The following FSTL5 variants were observed in gnomAD, a reference collection of about 807,000 sequenced individuals.
FSTL5 encodes the protein follistatin like 5.
Under a neutral mutation model 89.1 loss-of-function variants are expected in FSTL5, and 62 were observed. That is an observed-to-expected ratio of 0.70 (90% CI 0.57 to 0.86). The LOEUF (loss-of-function observed/expected upper bound fraction) is 0.86, where lower values mean the gene tolerates loss of function less well. Ranked by LOEUF, FSTL5 falls within the 40% of genes least tolerant of loss-of-function variation. The pLI, the probability that FSTL5 is intolerant of heterozygous loss-of-function variation, is 0.00. For synonymous variants in FSTL5, 383 were observed against 346.2 expected, an observed-to-expected ratio of 1.11 and a Z score of -1.18; for missense variants, 1,057 against 1,001.6, an observed-to-expected ratio of 1.06 and a Z score of -0.75.
At chr4:161,738,609 A>T (rs148934166) in intron 6 of FSTL5, among the ~76,000 whole-genome samples, 86 of 152,248 alleles carry the variant, frequency 5.6e-4, no homozygotes, top group African/African-American at 1.9e-3. Context: ...TGTAGCTTGA[A>T]TTATGTCAAA....
chr4:161,457,567 G>C lies in FSTL5; in HGVS notation c.1716+1645C>G, dbSNP rs565240003. ...GGAAAGTTGTTAATCTATCCAAGTAGCATGAATCAAAGGGGAGAGGAAGGG... is the reference window on the plus strand; with the variant it reads ...GGAAAGTTGTTAATCTATCCAAGTACCATGAATCAAAGGGGAGAGGAAGGG... On this transcript the variant is annotated intron_variant, in intron 14 of 15. Transcript: ENST00000306100. Among the ~76,000 whole-genome samples, 48 of 152,088 alleles carry C rather than the reference G, an allele frequency of 3.2e-4. 1 individual carries two copies. The highest frequency in any genetic ancestry group is 1.1e-3 in the African/African-American group (46 of 41,490).
Position 161,386,077 on chromosome 4 carries a change from G to C in FSTL5, c.2214C>G (p.His738Gln). Residue 738 changes from histidine (H) to glutamine (Q), a missense_variant, in exon 16 of 16, where the codon CAC (histidine) becomes CAG (glutamine). Transcript: ENST00000306100. Reference sequence around the variant, plus strand: ...ATGGTTGAAATGCCAGATCAGATATGTGCAGATTTGTGTAAATATCAAAAG... The same window carrying C: ...ATGGTTGAAATGCCAGATCAGATATCTGCAGATTTGTGTAAATATCAAAAG... ...QEAFDIYTNL[H>Q]ISDLAFQPSF... The C allele has an allele frequency of 6.2e-7, 1 of 1,613,994 alleles. No individual in the cohort carries two copies. Among genetic ancestry groups the C allele is most frequent in the Non-Finnish European group, 8.5e-7 (1 of 1,179,956 alleles).
intron 12 of FSTL5, among the ~76,000 whole-genome samples, chr4:161,497,920 G>A (rs1426974985): frequency 6.6e-6 from 1 of 151,610 alleles, no homozygotes; most frequent in Non-Finnish European, 1.5e-5. Context: ...TTTCTTATCA[G>A]AAAATTATAC....
At chr4:161,507,733 T>A (rs915718452) in intron 11 of FSTL5, among the ~76,000 whole-genome samples, 3 of 151,866 alleles carry the variant, frequency 2.0e-5, no homozygotes, top group African/African-American at 7.2e-5. Flanking sequence ...ATAATACATA[T>A]TAAATTCAGT....
At chr4:161,919,311 T>C (rs1733925958) in intron 4 of FSTL5, among the ~76,000 whole-genome samples, 1 of 152,178 alleles carries the variant, frequency 6.6e-6, no homozygotes. Context: ...ATTATCCCAG[T>C]TTTACTTCAA....
chr4:162,117,023 G>A (rs928946286), intron 1 of FSTL5, among the ~76,000 whole-genome samples: 2 of 152,182 alleles, frequency 1.3e-5, no homozygotes, highest in Non-Finnish European at 2.9e-5. Context: ...GTAAAAGAAA[G>A]TAGTTTAGAT....
At chr4:161,526,538 T>A (rs1406945618) in intron 10 of FSTL5, among the ~76,000 whole-genome samples, 1 of 152,204 alleles carries the variant, frequency 6.6e-6, no homozygotes, top group African/African-American at 2.4e-5. Context: ...ATGTCCTGAA[T>A]GGTAATGCCT....
At chr4:161,917,857 C>T (rs573905167) in intron 4 of FSTL5, among the ~76,000 whole-genome samples, 23 of 152,210 alleles carry the variant, frequency 1.5e-4, no homozygotes, top group East Asian at 9.6e-4. Flanking sequence ...TAAAACATTA[C>T]GGAAAAATAG....
intron 1 of FSTL5, among the ~76,000 whole-genome samples, chr4:162,147,157 TC>T: frequency 6.6e-6 from 1 of 152,268 alleles, no homozygotes; most frequent in East Asian, 1.9e-4. Context: ...TCTAGGCTCT[TC>T]TTAACTATGA....
In FSTL5 at chr4:162,041,539, A is replaced by C. The variant is rs140624541; in HGVS notation, c.127-7881T>G. On this transcript the variant is annotated intron_variant, in intron 2 of 15. Coordinates refer to ENST00000306100, the MANE Select transcript of FSTL5 (RefSeq NM_020116.5). ...ATAGAGTGTCAGTCAACAGTCAACC[A>C]ACTTCTCCTTCAGTTTAATATTTTG... Among the ~76,000 whole-genome samples, 131 of 152,312 alleles carry C rather than the reference A, an allele frequency of 8.6e-4. 1 individual carries two copies. Among genetic ancestry groups the C allele is most frequent in the African/African-American group, 2.7e-3 (112 of 41,578 alleles).
At chr4:161,577,679 T>C (rs1301694802) in intron 8 of FSTL5, among the ~76,000 whole-genome samples, 2 of 152,104 alleles carry the variant, frequency 1.3e-5, no homozygotes, top group Non-Finnish European at 1.5e-5. Flanking sequence ...CAGAGACAGC[T>C]ACGGGAATCT....
intron 2 of FSTL5, among the ~76,000 whole-genome samples, chr4:162,051,814 C>G (rs1738387256): frequency 6.6e-6 from 1 of 150,558 alleles, no homozygotes; most frequent in Admixed American, 6.6e-5. Context: ...TCATGGAGCG[C>G]TGAAAAAAAA....
At chr4:161,570,015 A>G (rs1368723243) in intron 8 of FSTL5, among the ~76,000 whole-genome samples, 1 of 152,192 alleles carries the variant, frequency 6.6e-6, no homozygotes. Flanking sequence ...TCATCTACTC[A>G]TGTACATTTA....
At chr4:161,499,297 C>G (rs1426734710) in intron 12 of FSTL5, among the ~76,000 whole-genome samples, 2 of 152,134 alleles carry the variant, frequency 1.3e-5, no homozygotes, top group Non-Finnish European at 2.9e-5. Context: ...AAGAATTTTA[C>G]TTAATAATTT....
At chr4:161,497,392 C>A (rs905232419) in intron 12 of FSTL5, among the ~76,000 whole-genome samples, 3 of 151,954 alleles carry the variant, frequency 2.0e-5, no homozygotes, top group Non-Finnish European at 4.4e-5. Flanking sequence ...TTAGTTATAA[C>A]AATTCCCTTT....
chr4:162,014,587 G>T (rs532620711), intron 3 of FSTL5, among the ~76,000 whole-genome samples: 1 of 152,294 alleles, frequency 6.6e-6, no homozygotes, highest in East Asian at 1.9e-4. Context: ...ACACAAAAGG[G>T]ATATGATAGA....
intron 15 of FSTL5, among the ~76,000 whole-genome samples, chr4:161,422,208 T>G (rs1372923287): frequency 6.6e-6 from 1 of 152,098 alleles, no homozygotes. Flanking sequence ...ATTTCCGTAT[T>G]TCATTTTTTA....
At chr4:161,961,235 G>A (rs1735166774) in intron 3 of FSTL5, among the ~76,000 whole-genome samples, 1 of 151,962 alleles carries the variant, frequency 6.6e-6, no homozygotes, top group South Asian at 2.1e-4. Flanking sequence ...AGTCTCCCTA[G>A]TAGCTGGGAC....
chr4:161,791,609 A>G (rs149102846), intron 4 of FSTL5, among the ~76,000 whole-genome samples: 3 of 152,308 alleles, frequency 2.0e-5, no homozygotes, highest in Non-Finnish European at 4.4e-5. Context: ...CGTGGGTCAC[A>G]GTCTTTGGAC....
Sources: allele counts gnomAD v4.1 joint callset (sites outside exome capture counted in the v4.1 genomes callset), GRCh38; gene constraint gnomAD v4.1.1; transcripts MANE v1.5; gene names NCBI Gene and HGNC (gene_info 2026-07-23, HGNC 2026-07-21).